Variants in TRPM2 observed in about 807,000 individuals in gnomAD.
TRPM2 encodes the protein estrogen-responsive element-associated gene 1 protein.
In TRPM2, 161 loss-of-function variants were observed where a neutral mutation model predicts 174.0. The observed-to-expected ratio is 0.93, with a 90% CI of 0.81 to 1.05. TRPM2 has a LOEUF of 1.05. TRPM2 is among the 50% of genes least tolerant of loss of function. The pLI, the probability that TRPM2 is intolerant of heterozygous loss-of-function variation, is 0.00. For synonymous variants in TRPM2, 954 were observed against 861.3 expected, an observed-to-expected ratio of 1.11 and a Z score of -1.88; for missense variants, 2,057 against 2,038.0, an observed-to-expected ratio of 1.01 and a Z score of -0.18.
chr21:44,350,237 G>A (rs954048995), upstream of TRPM2: 4 of 152,108 alleles, frequency 2.6e-5, no homozygotes, highest in African/African-American at 9.7e-5. Context: ...TGCTGCGCGG[G>A]GACGCGGGTG....
chr21:44,390,807 G>A, intron 9 of TRPM2, 97 bp from the exon 10 acceptor site: 1 of 1,542,090 alleles, frequency 6.5e-7, no homozygotes, highest in Non-Finnish European at 8.8e-7. Context: ...TGAGAGGCAA[G>A]GGCTCATGAC....
In TRPM2 at chr21:44,377,703, T is replaced by C. The variant is rs1218024250; in HGVS notation, c.953-9T>C. ...GTGTGGCCCTCACTCGGCTGTGTGC[T>C]TTTTCTAGGTGTGGCCATCAAGATC... On this transcript the variant is annotated splice_polypyrimidine_tract_variant and intron_variant, in intron 6 of 31. Coordinates refer to ENST00000397928, the MANE Select transcript of TRPM2 (RefSeq NM_003307.4). The C allele has an allele frequency of 3.1e-6, 5 of 1,614,030 alleles. No homozygotes were observed. The highest frequency in any genetic ancestry group is 4.2e-6 in the Non-Finnish European group (5 of 1,180,004).
At chr21:44,406,964 G>C (rs1246051918) in intron 19 of TRPM2, among the ~76,000 whole-genome samples, 199 bp downstream of exon 19, 1 of 149,764 alleles carries the variant, frequency 6.7e-6, no homozygotes, top group African/African-American at 2.5e-5. Flanking sequence ...AGGGGAGGGA[G>C]GAGGGGGGCC....
intron 11 of TRPM2, among the ~76,000 whole-genome samples, chr21:44,394,273 C>G (rs927763856): frequency 6.7e-6 from 1 of 149,698 alleles, no homozygotes; most frequent in African/African-American, 2.5e-5. Flanking sequence ...AAAGCAGAAT[C>G]TCAAGCTTAT....
In TRPM2 at chr21:44,427,251, C is replaced by T. The variant is rs919765111; in HGVS notation, c.3974+140C>T. 4.0e-5 allele frequency: 30 copies of T among 742,950 alleles called. No homozygotes were observed. In the South Asian group the frequency reaches 4.3e-4, roughly 11 times the overall value. 46.0% of individuals were successfully genotyped at this position (742,950 alleles called of 1,614,324 possible). A position where few individuals can be genotyped will look rare whatever the true frequency, so the allele number is the denominator to read the frequency against. On this transcript the variant is annotated intron_variant, in intron 27 of 31. Transcript: ENST00000397928. ...ACGTGAGCCACCGAAAGGAAGAAAA[C>T]ATCAACTCACTGCATCTCCGTAGCC...
At chr21:44,396,538 G>A (rs1468698432) in intron 12 of TRPM2, among the ~76,000 whole-genome samples, 1 of 31,898 alleles carries the variant, frequency 3.1e-5, no homozygotes, top group Non-Finnish European at 6.2e-5. Context: ...GGGTGTGGAG[G>A]CTGTGGAGGG....
intron 11 of TRPM2, among the ~76,000 whole-genome samples, chr21:44,393,732 G>T: frequency 1.3e-5 from 2 of 150,968 alleles, no homozygotes; most frequent in African/African-American, 2.4e-5. Flanking sequence ...TTTCTGTTTA[G>T]GTTCTCTATC....
chr21:44,403,638 C>T (rs1381166378), intron 16 of TRPM2, among the ~76,000 whole-genome samples: 1 of 150,880 alleles, frequency 6.6e-6, no homozygotes, highest in Non-Finnish European at 1.5e-5. Flanking sequence ...CATATGTATA[C>T]ACACATGCAC....
At chr21:44,429,282 T>C (rs957036861) in intron 27 of TRPM2, among the ~76,000 whole-genome samples, 14 of 124,228 alleles carry the variant, frequency 1.1e-4, no homozygotes, top group Non-Finnish European at 1.4e-4. Context: ...CTTTTTCTTT[T>C]TTTTTTTTTT....
rs777389267 is a variant in TRPM2, at chr21:44,366,735, C to T, written c.424-19C>T. 1.8e-5 allele frequency: 29 copies of T among 1,613,528 alleles called. No individual in the cohort carries two copies. The South Asian group carries it at 3.2e-4, about 18-fold the overall frequency. On this transcript the variant is annotated intron_variant, in intron 3 of 31. Transcript: ENST00000397928. The surrounding 1 kb of genome is among the most constrained non-coding windows in gnomAD (Gnocchi z 6.0). ...CCACTGACACACAGGTTCCCTCCGC[C>T]GTTTTCCCTTTCCCGCAGTACGTCC...
At chr21:44,384,638 T>A (rs1184980245) in intron 9 of TRPM2, among the ~76,000 whole-genome samples, 3 of 152,180 alleles carry the variant, frequency 2.0e-5, no homozygotes, top group Non-Finnish European at 4.4e-5. Context: ...CCAACATTAT[T>A]ATACTGGGGA....
intron 20 of TRPM2, chr21:44,415,679 T>C (rs2050256125): frequency 6.6e-6 from 1 of 152,224 alleles, no homozygotes; most frequent in South Asian, 2.1e-4. Flanking sequence ...TTTGAAAATG[T>C]CTAGGATTTT....
At chr21:44,403,448 C>T (rs764213153) in intron 16 of TRPM2, among the ~76,000 whole-genome samples, 9 of 152,240 alleles carry the variant, frequency 5.9e-5, no homozygotes, top group South Asian at 2.1e-4. Context: ...ACATTGAGGG[C>T]GCTGCTCCAA....
rs1437279474 is a variant in TRPM2, at chr21:44,414,063, C to T, written c.3135C>T (p.Ile1045=). 2.2e-5 allele frequency: 36 copies of T among 1,611,964 alleles called. No individual in the cohort carries two copies. The highest frequency in any genetic ancestry group is 4.0e-5 in the African/African-American group (3 of 74,892). Residue 1045 remains isoleucine (I), a synonymous_variant, in exon 20 of 32, where the codon ATC becomes ATT. Transcript: ENST00000397928. The stretch of plus-strand genomic sequence containing the variant: ...ACATCCTGCTGCTCAACCTCCTCAT[C>T]GCCATGTTCAAGTGAGCGCCTGGGT... The part of the protein sequence containing the change: ...FTNILLLNLL[I]AMFNYTFQQV...
At chr21:44,372,497 GCAAAA>G (rs2048570312) in intron 5 of TRPM2, among the ~76,000 whole-genome samples, 1 of 152,300 alleles carries the variant, frequency 6.6e-6, no homozygotes, top group South Asian at 2.1e-4. Flanking sequence ...ACCGTCTCAA[GCAAAA>G]CAAAACAAAC....
chr21:44,355,883 ATC>A (rs2048045014), intron 2 of TRPM2, among the ~76,000 whole-genome samples: 1 of 151,144 alleles, frequency 6.6e-6, no homozygotes, highest in South Asian at 2.1e-4. Context: ...AAAATCCCAT[ATC>A]TCGTATCAGT....
rs1318763494 is a variant in TRPM2 at position 44,391,478 on chromosome 21, C to T, written c.1647C>T (p.Cys549=). ...VLVEDPERPA[C]APAAPRLQMH... ...TGGAGGATCCCGAGCGCCCGGCTTG[C>T]GCGCCCGCGGCGCCCCGCCTGCAGA... The change falls in exon 11 of 32, where the codon TGC becomes TGT. Residue 549 remains cysteine, a synonymous_variant. Transcript: ENST00000397928. This position sits in a 1 kb window ranked among gnomAD's most constrained non-coding sequence, Gnocchi z 5.0. The T allele has an allele frequency of 5.6e-6, 9 of 1,607,330 alleles. No individual in the cohort carries two copies. The highest frequency in any genetic ancestry group is 1.3e-5 in the African/African-American group (1 of 74,890).
chr21:44,399,346 C>G lies in TRPM2; in HGVS notation c.2113C>G (p.Leu705Val). 6.2e-7 allele frequency: 1 copy of G among 1,612,870 alleles called. No individual in the cohort carries two copies. Among genetic ancestry groups the G allele is most frequent in the Non-Finnish European group, 8.5e-7 (1 of 1,179,908 alleles). The change falls in exon 14 of 32, where the codon CTC becomes GTC. Residue 705 changes from leucine (L) to valine (V), a missense_variant. Physicochemically the swap from Leu to Val is conservative, Grantham distance 32 (BLOSUM62 1). Coordinates refer to ENST00000397928, the MANE Select transcript of TRPM2 (RefSeq NM_003307.4). This position sits in a 1 kb window ranked among gnomAD's most constrained non-coding sequence, Gnocchi z 4.6. ...RKDEERAQKL[L>V]TRVSEAWGKT... Reference sequence around the variant, plus strand: ...GGACGAAGAGAGAGCCCAGAAACTGCTCACCCGCGTGTCCGAGGCCTGGGG... The same window carrying G: ...GGACGAAGAGAGAGCCCAGAAACTGGTCACCCGCGTGTCCGAGGCCTGGGG...
intron 2 of TRPM2, among the ~76,000 whole-genome samples, chr21:44,359,129 G>A (rs1406073530): frequency 6.6e-6 from 1 of 151,896 alleles, no homozygotes; most frequent in Non-Finnish European, 1.5e-5. Flanking sequence ...ACAGAGCACT[G>A]CTTGGTCCAT....
Sources: gnomAD v4.1 joint callset for allele counts (sites outside exome capture counted in the v4.1 genomes callset) on GRCh38, gnomAD v4.1.1 for gene constraint, Gnocchi (gnomAD v3.1) non-coding constraint, MANE v1.5 for transcripts, NCBI Gene and HGNC (gene_info 2026-07-23, HGNC 2026-07-21) for gene names.